Variants in IGF2BP3 observed in about 807,000 individuals in gnomAD.
The protein encoded by IGF2BP3 is insulin like growth factor 2 mRNA binding protein 3, also known as insulin-like growth factor 2 mRNA-binding protein 3.
A neutral mutation model predicts 73.8 loss-of-function variants in IGF2BP3; 9 were observed. The observed-to-expected ratio is 0.12, with a 90% CI of 0.07 to 0.21. IGF2BP3 has a LOEUF of 0.21. Among genes scored for constraint, IGF2BP3 ranks in the 10% least tolerant of loss-of-function variants. IGF2BP3 has a pLI of 1.00. For synonymous variants in IGF2BP3, 258 were observed against 256.7 expected (o/e 1.01, Z -0.05); for missense variants, 542 against 714.0 (o/e 0.76, Z 2.75).
At chr7:23,405,639 T>C (rs1177681673) in intron 3 of IGF2BP3, among the ~76,000 whole-genome samples, 2 of 152,184 alleles carry the variant, frequency 1.3e-5, no homozygotes, top group Non-Finnish European at 2.9e-5. Context: ...CTCATGGAAG[T>C]GCGTACCCTA....
intron 3 of IGF2BP3, chr7:23,415,676 A>G (rs1002739972): frequency 6.0e-6 from 1 of 167,036 alleles, no homozygotes; most frequent in Non-Finnish European, 1.3e-5. Flanking sequence ...GGCGCCAGCC[A>G]TAGCCAAGGA....
At position 23,392,451 on chromosome 7, in the gene IGF2BP3, T is replaced by TATATATAC. The variant is rs367599162; in HGVS notation, c.285+26324_285+26325insGTATATAT. The stretch of plus-strand genomic sequence containing the variant: ...TTATCATCATATATATATATATATA[T>TATATATAC]ACACACACACACATATATATGTATA... On this transcript the variant is annotated intron_variant, in intron 3 of 14. Transcript: ENST00000258729. 3.1e-4 allele frequency among the ~76,000 whole-genome samples: 45 copies of TATATATAC among 144,254 alleles called. No homozygotes were observed. The East Asian group carries it at 9.0e-3, about 29-fold the overall frequency. 94.6% of individuals were successfully genotyped at this position (144,254 alleles called of 152,430 possible).
chr7:23,339,404 A>C lies in IGF2BP3; in HGVS notation c.1203+2660T>G, dbSNP rs1169282086. Among the ~76,000 whole-genome samples, 2 of 152,234 alleles carry C rather than the reference A, an allele frequency of 1.3e-5. 1 individual carries two copies. Among genetic ancestry groups the C allele is most frequent in the African/African-American group, 4.8e-5 (2 of 41,468 alleles). On this transcript the variant is annotated intron_variant, in intron 10 of 14. Coordinates refer to ENST00000258729, the MANE Select transcript of IGF2BP3 (RefSeq NM_006547.3). ...CATTCTTAATTTTTCTAACATAGGA[A>C]CCTGATACACAGAACTATACCATAA...
chr7:23,366,241 G>A (rs973827266), intron 3 of IGF2BP3, among the ~76,000 whole-genome samples: 18 of 151,626 alleles, frequency 1.2e-4, no homozygotes, highest in African/African-American at 3.2e-4. Flanking sequence ...AGGTTCAAGC[G>A]ATTCTCCTGC....
At position 23,338,950 on chromosome 7, in the gene IGF2BP3, T is replaced by C. The variant is rs143662398; in HGVS notation, c.1203+3114A>G. On this transcript the variant is annotated intron_variant, in intron 10 of 14. Coordinates refer to ENST00000258729, the MANE Select transcript of IGF2BP3 (RefSeq NM_006547.3). ...ATTGTATCACTGCCTGGAACACATGTAGAATAAAATATCCACTGGAATTCT... is the reference window on the plus strand; with the variant it reads ...ATTGTATCACTGCCTGGAACACATGCAGAATAAAATATCCACTGGAATTCT... 3.9e-3 allele frequency among the ~76,000 whole-genome samples: 600 copies of C among 152,370 alleles called. 3 individuals are homozygous for C. The highest frequency in any genetic ancestry group is 6.4e-3 in the Non-Finnish European group (437 of 68,026).
At chr7:23,368,627 G>A (rs1036273728) in intron 3 of IGF2BP3, among the ~76,000 whole-genome samples, 17 of 152,290 alleles carry the variant, frequency 1.1e-4, no homozygotes, top group African/African-American at 4.1e-4. Flanking sequence ...GCCGGGCGCG[G>A]TGGCTCACAC....
chr7:23,426,578 C>A (rs1787518169), intron 2 of IGF2BP3, among the ~76,000 whole-genome samples: 1 of 152,134 alleles, frequency 6.6e-6, no homozygotes, highest in African/African-American at 2.4e-5. Context: ...AACCAAAAAC[C>A]TAAAATGCTG....
intron 6 of IGF2BP3, among the ~76,000 whole-genome samples, chr7:23,349,711 A>T (rs1167690225): frequency 1.3e-5 from 2 of 152,208 alleles, no homozygotes; most frequent in Admixed American, 1.3e-4. Context: ...CAAATGAATC[A>T]TCGGATATAA....
In IGF2BP3 at chr7:23,389,657, T is replaced by C. The variant is rs987967352; in HGVS notation, c.286-27916A>G. On this transcript the variant is annotated intron_variant, in intron 3 of 14. Transcript: ENST00000258729. Reference sequence around the variant, plus strand: ...AAAAGTGTGAAGAATATCAGACATATACAGTTGGAGAAAAGAAGCCATGAA... The same window carrying C: ...AAAAGTGTGAAGAATATCAGACATACACAGTTGGAGAAAAGAAGCCATGAA... Among the ~76,000 whole-genome samples the C allele has an allele frequency of 5.3e-5, 8 of 151,800 alleles. No individual in the cohort carries two copies. In the East Asian group the frequency reaches 1.2e-3, roughly 22 times the overall value.
intron 6 of IGF2BP3, among the ~76,000 whole-genome samples, chr7:23,349,735 C>T (rs1784914800): frequency 6.6e-6 from 1 of 152,164 alleles, no homozygotes; most frequent in Admixed American, 6.5e-5. Flanking sequence ...AAATTGCTTC[C>T]CTTCCCCTAT....
At chr7:23,349,767 AAAAC>A (rs1377191700) in intron 6 of IGF2BP3, among the ~76,000 whole-genome samples, 1 of 152,208 alleles carries the variant, frequency 6.6e-6, no homozygotes, top group Non-Finnish European at 1.5e-5. Context: ...TGCCTTAAGT[AAAAC>A]AAACAGTTCA....
At chr7:23,353,401 C>T (rs1330351354) in intron 5 of IGF2BP3, among the ~76,000 whole-genome samples, 3 of 152,152 alleles carry the variant, frequency 2.0e-5, no homozygotes, top group South Asian at 2.1e-4. Flanking sequence ...GAATGATTCT[C>T]GGTTTCTCAC....
chr7:23,443,521 C>T (rs1787985876), intron 2 of IGF2BP3, among the ~76,000 whole-genome samples: 1 of 151,896 alleles, frequency 6.6e-6, no homozygotes, highest in African/African-American at 2.4e-5. Flanking sequence ...CAAAAATTAG[C>T]CAGGTGTGGT....
intron 2 of IGF2BP3, among the ~76,000 whole-genome samples, chr7:23,463,662 C>T (rs1335459132): frequency 6.6e-6 from 1 of 152,196 alleles, no homozygotes; most frequent in Non-Finnish European, 1.5e-5. Context: ...CCAAGATTCT[C>T]GATTTCCACT....
At chr7:23,317,375 C>T (rs1277051381) in intron 12 of IGF2BP3, among the ~76,000 whole-genome samples, 1 of 152,194 alleles carries the variant, frequency 6.6e-6, no homozygotes, top group Non-Finnish European at 1.5e-5. Context: ...ATTTTAAGGT[C>T]TCACCTTAGC....
intron 2 of IGF2BP3, among the ~76,000 whole-genome samples, chr7:23,421,553 A>G (rs1787348605): frequency 6.6e-6 from 1 of 150,878 alleles, no homozygotes; most frequent in South Asian, 2.1e-4. Flanking sequence ...TTAGCTGGGC[A>G]TGGTGGCACA....
intron 3 of IGF2BP3, among the ~76,000 whole-genome samples, chr7:23,391,689 T>C (rs1786282178): frequency 6.6e-6 from 1 of 152,210 alleles, no homozygotes; most frequent in Admixed American, 6.5e-5. Flanking sequence ...CTGAGAAATG[T>C]TTCATCCAAA....
chr7:23,442,430 C>G (rs1194940030), intron 2 of IGF2BP3, among the ~76,000 whole-genome samples: 1 of 151,834 alleles, frequency 6.6e-6, no homozygotes, highest in Non-Finnish European at 1.5e-5. Context: ...TGGAGACTTG[C>G]TCTGTCACCC....
intron 10 of IGF2BP3, among the ~76,000 whole-genome samples, chr7:23,323,695 A>C (rs1384068172): frequency 1.3e-5 from 2 of 152,212 alleles, no homozygotes; most frequent in African/African-American, 2.4e-5. Context: ...GCAAATGTAA[A>C]ATAACAGAAA....
Sources: allele counts gnomAD v4.1 joint callset (sites outside exome capture counted in the v4.1 genomes callset), GRCh38; gene constraint gnomAD v4.1.1; transcripts MANE v1.5; gene names NCBI Gene and HGNC (gene_info 2026-07-23, HGNC 2026-07-21).